SAP130: variants seen among roughly 807,000 people sequenced by gnomAD.
The protein encoded by SAP130 is histone deacetylase complex subunit SAP130.
Under a neutral mutation model 103.2 loss-of-function variants are expected in SAP130, and 16 were observed. That is an observed-to-expected ratio of 0.16 (90% CI 0.10 to 0.24). The LOEUF (loss-of-function observed/expected upper bound fraction) is 0.24, where lower values mean the gene tolerates loss of function less well. SAP130 is among the 10% of genes least tolerant of loss of function. The probability of loss-of-function intolerance (pLI) is 1.00; values close to 1 mark genes in which losing one functional copy is unlikely to be tolerated. For synonymous variants in SAP130, 477 were observed against 497.0 expected, an observed-to-expected ratio of 0.96 and a Z score of 0.53; for missense variants, 990 against 1,359.7, an observed-to-expected ratio of 0.73 and a Z score of 4.28.
chr2:127,948,328 G>GTTTTTTTTTTT (rs71307269), intron 18 of SAP130, among the ~76,000 whole-genome samples: 1 of 101,536 alleles, frequency 9.8e-6, no homozygotes, highest in Non-Finnish European at 2.0e-5. Flanking sequence ...TTTCCTGTGA[G>GTTTTTTTTTTT]TTTTTTTTTT....
chr2:127,983,143 T>C (rs902350536), intron 14 of SAP130, among the ~76,000 whole-genome samples: 1 of 152,130 alleles, frequency 6.6e-6, no homozygotes, highest in Non-Finnish European at 1.5e-5. Flanking sequence ...CCAAAAGGCA[T>C]ACAGATACAC....
At position 127,984,420 on chromosome 2, in the gene SAP130, T is replaced by TA. The variant is rs1559068493; in HGVS notation, c.1958+2364dup. On this transcript the variant is annotated intron_variant, in intron 14 of 20. Transcript: ENST00000643581. ...TTCCACCGTTAGAGGTCCCCTCAGA[T>TA]ATGTGCCTATCTTTGGTTGTATGTT... Among the ~76,000 whole-genome samples, 4 of 152,368 alleles carry TA rather than the reference T, an allele frequency of 2.6e-5. No homozygotes were observed. The South Asian group carries it at 8.3e-4, about 32-fold the overall frequency.
chr2:127,966,795 A>C lies in SAP130; in HGVS notation c.2063+11190T>G, dbSNP rs187449282. ...ATTTCAATTTGTTTACCTTTGCTTG[A>C]TAAATCTTTTGAAAAAATATTTGTG... On this transcript the variant is annotated intron_variant, in intron 15 of 20. Transcript: ENST00000643581. Among the ~76,000 whole-genome samples the C allele has an allele frequency of 3.9e-4, 59 of 152,304 alleles. 1 individual carries two copies. The highest frequency in any genetic ancestry group is 1.4e-3 in the African/African-American group (57 of 41,574).
intron 14 of SAP130, among the ~76,000 whole-genome samples, chr2:127,982,182 A>C (rs1339680262): frequency 6.6e-6 from 1 of 150,490 alleles, no homozygotes; most frequent in Non-Finnish European, 1.5e-5. Context: ...AAAAAAAAAA[A>C]TTTAGGGTGG....
chr2:127,977,835 T>C, intron 15 of SAP130, 150 bp downstream of exon 15: 1 of 631,406 alleles, frequency 1.6e-6, no homozygotes, highest in East Asian at 2.8e-5. Context: ...TGTGTTACAA[T>C]TTTCTATGAT....
chr2:128,009,067 A>T (rs1304769895), intron 7 of SAP130, among the ~76,000 whole-genome samples: 1 of 152,146 alleles, frequency 6.6e-6, no homozygotes, highest in African/African-American at 2.4e-5. Context: ...TTAGGTATAC[A>T]GGCCAACTAG....
chr2:128,009,323 T>C (rs887969438), intron 7 of SAP130, among the ~76,000 whole-genome samples: 7 of 151,850 alleles, frequency 4.6e-5, no homozygotes, highest in Admixed American at 4.6e-4. Context: ...ATAAAAAAAT[T>C]AGTTAGGCAT....
intron 8 of SAP130, 63 bp from the exon 9 acceptor site, chr2:128,000,209 A>C: frequency 1.2e-6 from 2 of 1,608,162 alleles, no homozygotes; most frequent in Non-Finnish European, 8.5e-7. Context: ...GGGTAAACAC[A>C]ATCAATGCCT....
intron 7 of SAP130, among the ~76,000 whole-genome samples, chr2:128,001,556 C>CT (rs1424944655): frequency 6.6e-6 from 1 of 152,134 alleles, no homozygotes; most frequent in Non-Finnish European, 1.5e-5. Flanking sequence ...ACAGGTGCCT[C>CT]TTTTTTAATC....
intron 7 of SAP130, among the ~76,000 whole-genome samples, chr2:128,004,989 A>G (rs1683853423): frequency 6.6e-6 from 1 of 152,256 alleles, no homozygotes; most frequent in East Asian, 1.9e-4. Flanking sequence ...TAAAGATGCT[A>G]AAAGACAAAA....
At position 127,989,896 on chromosome 2, in the gene SAP130, A is replaced by G; in HGVS notation, c.1478-30T>C. ...AAATGATGCGAAAGGTAACTATAAGAAGGTTAGCTTCATTTCACACAGTCC... is the reference window on the plus strand; with the variant it reads ...AAATGATGCGAAAGGTAACTATAAGGAGGTTAGCTTCATTTCACACAGTCC... On this transcript the variant is annotated intron_variant, in intron 12 of 20. Coordinates refer to ENST00000643581, the MANE Select transcript of SAP130 (RefSeq NM_001330301.2). The surrounding 1 kb of genome is among the most constrained non-coding windows in gnomAD (Gnocchi z 4.6). 1.9e-6 allele frequency: 3 copies of G among 1,595,858 alleles called. No homozygotes were observed. The highest frequency in any genetic ancestry group is 2.3e-5 in the South Asian group (2 of 88,208).
intron 14 of SAP130, among the ~76,000 whole-genome samples, chr2:127,978,742 C>A (rs1437759188): frequency 2.0e-5 from 3 of 152,096 alleles, no homozygotes; most frequent in Non-Finnish European, 2.9e-5. Flanking sequence ...ATCTTCAGAG[C>A]CACTAACATC....
chr2:128,022,022 G>A (rs1005981995), intron 2 of SAP130, among the ~76,000 whole-genome samples: 6 of 152,074 alleles, frequency 3.9e-5, no homozygotes, highest in African/African-American at 7.2e-5. Flanking sequence ...ATAAGTGTTC[G>A]CAAAAGTATA....
At chr2:127,964,737 C>T (rs1356549810) in intron 15 of SAP130, among the ~76,000 whole-genome samples, 2 of 152,152 alleles carry the variant, frequency 1.3e-5, no homozygotes, top group Non-Finnish European at 2.9e-5. Context: ...GTGGCTCACG[C>T]CTGTAATGCC....
At chr2:127,972,168 G>T (rs1176952728) in intron 15 of SAP130, among the ~76,000 whole-genome samples, 1 of 152,176 alleles carries the variant, frequency 6.6e-6, no homozygotes, top group Non-Finnish European at 1.5e-5. Context: ...GCAAATCCAA[G>T]AAAGAGTCTA....
At chr2:128,003,715 C>T (rs1683739714) in intron 7 of SAP130, among the ~76,000 whole-genome samples, 1 of 138,436 alleles carries the variant, frequency 7.2e-6, no homozygotes, top group Non-Finnish European at 1.5e-5. Context: ...GAAAGTGCTC[C>T]CTAATCTGTT....
Position 127,941,887 on chromosome 2 carries a change from G to T in SAP130, c.*119C>A. 3.3e-6 allele frequency: 3 copies of T among 912,072 alleles called. No homozygotes were observed. The highest frequency in any genetic ancestry group is 3.4e-6 in the Non-Finnish European group (2 of 588,162). 56.5% of individuals were successfully genotyped at this position (912,072 alleles called of 1,614,324 possible). A position where few individuals can be genotyped will look rare whatever the true frequency, so the allele number is the denominator to read the frequency against. ...GTCATGGGTTCCTCTGCTTTCACAC[G>T]GGAACTAAGGAACACTTCCTTTATT... On this transcript the variant is annotated 3_prime_UTR_variant, in exon 21 of 21. Coordinates refer to ENST00000643581, the MANE Select transcript of SAP130 (RefSeq NM_001330301.2).
chr2:127,988,404 C>T (rs1037724837), intron 13 of SAP130, among the ~76,000 whole-genome samples: 27 of 128,432 alleles, frequency 2.1e-4, no homozygotes, highest in Non-Finnish European at 4.0e-4. Context: ...AGCTGGGCAA[C>T]AGAGTGAGTG....
At chr2:127,950,580 C>G (rs765723073) in intron 16 of SAP130, among the ~76,000 whole-genome samples, 172 bp from the exon 17 acceptor site, 5 of 152,236 alleles carry the variant, frequency 3.3e-5, no homozygotes, top group Non-Finnish European at 7.3e-5. Context: ...GCTGCAAACT[C>G]CTCCCTTATA....
Sources: gnomAD v4.1 joint callset for allele counts (sites outside exome capture counted in the v4.1 genomes callset) on GRCh38, gnomAD v4.1.1 for gene constraint, Gnocchi (gnomAD v3.1) non-coding constraint, MANE v1.5 for transcripts, NCBI Gene and HGNC (gene_info 2026-07-23, HGNC 2026-07-21) for gene names.